Variants in GPATCH8 observed in about 807,000 individuals in gnomAD.
The protein encoded by GPATCH8 is G-patch domain containing 8.
GPATCH8 carries 18 observed loss-of-function variants against 118.3 expected under a neutral mutation model. The ratio of observed to expected loss-of-function variants is 0.15; its 90% CI spans 0.11 to 0.23. The LOEUF (loss-of-function observed/expected upper bound fraction) is 0.23, where lower values mean the gene tolerates loss of function less well. Ranked by LOEUF, GPATCH8 falls within the 10% of genes least tolerant of loss-of-function variation. The pLI, the probability that GPATCH8 is intolerant of heterozygous loss-of-function variation, is 1.00. For missense variants in GPATCH8, 1,631 were observed against 1,873.8 expected (o/e 0.87, Z 2.39); for synonymous variants, 659 against 684.7 (o/e 0.96, Z 0.59).
At chr17:44,471,696 A>C (rs1967290935) in intron 2 of GPATCH8, among the ~76,000 whole-genome samples, 1 of 152,158 alleles carries the variant, frequency 6.6e-6, no homozygotes, top group African/African-American at 2.4e-5. Context: ...AAAACAAAAC[A>C]GCTTAATATA....
intron 1 of GPATCH8, among the ~76,000 whole-genome samples, chr17:44,501,223 C>T (rs886671316): frequency 1.3e-5 from 2 of 152,054 alleles, no homozygotes; most frequent in East Asian, 3.9e-4. Flanking sequence ...TCGAGACCAG[C>T]CTGGCCAATA....
chr17:44,467,294 G>A, intron 2 of GPATCH8: 1 of 279,454 alleles, frequency 3.6e-6, no homozygotes, highest in South Asian at 3.2e-5. Flanking sequence ...AGCGTGTTGT[G>A]ACTGACAACA....
In GPATCH8 at chr17:44,434,940, T is replaced by C. The variant is rs557271222; in HGVS notation, c.348+125A>G. ...AATGTAATAGAAATCTGAGATCTAC[T>C]ACTAATTACCACCAAATGTCAAACA... On this transcript the variant is annotated intron_variant, in intron 5 of 7. Coordinates refer to ENST00000591680, the MANE Select transcript of GPATCH8 (RefSeq NM_001002909.4). The C allele has an allele frequency of 5.6e-6, 4 of 713,636 alleles. No homozygotes were observed. The South Asian group carries it at 6.0e-5, about 11-fold the overall frequency. The allele number at this position is 713,636 out of a possible 1,614,324, so 44.2% of individuals were successfully genotyped here. A position where few individuals can be genotyped will look rare whatever the true frequency, so the allele number is the denominator to read the frequency against.
In GPATCH8 at chr17:44,485,944, C is replaced by A. The variant is rs558341703; in HGVS notation, c.46-11041G>T. Among the ~76,000 whole-genome samples the A allele has an allele frequency of 1.6e-3, 243 of 152,230 alleles. 1 individual carries two copies. Among genetic ancestry groups the A allele is most frequent in the Non-Finnish European group, 1.9e-3 (131 of 68,004 alleles). On this transcript the variant is annotated intron_variant, in intron 1 of 7. Coordinates refer to ENST00000591680, the MANE Select transcript of GPATCH8 (RefSeq NM_001002909.4). The stretch of plus-strand genomic sequence containing the variant: ...AAAGGTCTCCCTGTCACCCAAGCTA[C>A]GGGGCAGTGGTGCAATCACAGCTCA...
intron 3 of GPATCH8, among the ~76,000 whole-genome samples, chr17:44,442,902 ACT>A (rs1197118438): frequency 2.6e-5 from 4 of 152,138 alleles, no homozygotes; most frequent in East Asian, 1.9e-4. Flanking sequence ...ATAGAGCAAG[ACT>A]CTGTCTCTCC....
At chr17:44,458,398 CTAACT>C (rs1403303534) in intron 3 of GPATCH8, among the ~76,000 whole-genome samples, 1 of 152,156 alleles carries the variant, frequency 6.6e-6, no homozygotes, top group Non-Finnish European at 1.5e-5. Flanking sequence ...TCTTACCAGG[CTAACT>C]TTGGTCTTTC....
At chr17:44,418,355 A>G (rs542540557) in intron 6 of GPATCH8, among the ~76,000 whole-genome samples, 2 of 152,372 alleles carry the variant, frequency 1.3e-5, no homozygotes, top group East Asian at 3.9e-4. Context: ...ATGCAAAATA[A>G]TTAAGGAGGC....
chr17:44,398,423 A>G lies in GPATCH8; in HGVS notation c.3654T>C (p.Asp1218=). 6.2e-7 allele frequency: 1 copy of G among 1,613,900 alleles called. No individual in the cohort carries two copies. The highest frequency in any genetic ancestry group is 8.5e-7 in the Non-Finnish European group (1 of 1,179,888). ...GGGTGCCTAGTGGAGCCACAGGGTG[A>G]TCAGCAGTAGCTTCTCCAGACTTTG... ...EESKSGEATA[D]HPVAPLGTPA... is the part of the protein sequence containing the mutation. Residue 1218 remains aspartate (D), a synonymous_variant, in exon 8 of 8, where the codon GAT becomes GAC. Transcript: ENST00000591680.
Position 44,399,357 on chromosome 17 carries a change from C to T in GPATCH8, c.2720G>A (p.Arg907His), listed in dbSNP as rs199629401. 81 of 1,614,108 alleles carry T rather than the reference C, an allele frequency of 5.0e-5. No individual in the cohort carries two copies. In the Admixed American group the frequency reaches 5.5e-4, roughly 11 times the overall value. ...YSDRSRRHSK[R>H]SHDSDDSDYA... is the part of the protein sequence containing the mutation. The stretch of plus-strand genomic sequence containing the variant: ...GTCTGAGTCATCTGAGTCATGGGAG[C>T]GCTTGGAGTGCCTTCGTGATCTGTC... The change falls in exon 8 of 8, where the codon CGC becomes CAC. Residue 907 changes from arginine (R) to histidine (H), a missense_variant. This residue lies in a region of GPATCH8 where 922 missense variants were observed against 879.7 expected (regional missense o/e 1.05). Transcript: ENST00000591680.
At chr17:44,431,741 G>A (rs565620226) in intron 5 of GPATCH8, among the ~76,000 whole-genome samples, 13 of 151,908 alleles carry the variant, frequency 8.6e-5, no homozygotes, top group African/African-American at 3.1e-4. Context: ...GACCAGCCTG[G>A]GCAACATAGT....
chr17:44,412,875 G>A (rs1370379081), intron 6 of GPATCH8, among the ~76,000 whole-genome samples: 1 of 151,626 alleles, frequency 6.6e-6, no homozygotes. Flanking sequence ...AAACATTAAT[G>A]TCTGTCTCCT....
At chr17:44,471,680 C>T (rs1379405714) in intron 2 of GPATCH8, among the ~76,000 whole-genome samples, 3 of 152,020 alleles carry the variant, frequency 2.0e-5, no homozygotes, top group Non-Finnish European at 4.4e-5. Context: ...ACACCATTTT[C>T]CCCTAAAAAC....
rs542343547 is a variant in GPATCH8, at chr17:44,398,059, C to A, written c.4018G>T (p.Val1340Leu). The A allele has an allele frequency of 2.4e-5, 38 of 1,614,050 alleles. No individual in the cohort carries two copies. In the East Asian group the frequency reaches 8.5e-4, roughly 36 times the overall value. Residue 1340 changes from valine (V) to leucine (L), a missense_variant, in exon 8 of 8, where the codon GTA (valine) becomes TTA (leucine). Val to Leu is a conservative substitution (Grantham distance 32, BLOSUM62 1). Transcript: ENST00000591680. ...GCAGCTGAGGCTGGAAAGGCCTTTA[C>A]TTGCTTGGCCAGAAGCTGCTGCTGG... is the stretch of plus-strand genomic sequence containing the variant. ...HIQQQLLAKQ[V>L]KAFPASAALA...
chr17:44,486,789 T>C (rs2144443183), intron 1 of GPATCH8: 1 of 152,336 alleles, frequency 6.6e-6, no homozygotes, highest in African/African-American at 2.4e-5. Flanking sequence ...TTTAGTAAAG[T>C]TTTAAATTAC....
chr17:44,491,968 G>A (rs1407014896), intron 1 of GPATCH8, among the ~76,000 whole-genome samples: 3 of 151,944 alleles, frequency 2.0e-5, no homozygotes, highest in African/African-American at 7.3e-5. Flanking sequence ...GACATCCTGG[G>A]GATTATTAGT....
At chr17:44,494,692 G>T (rs1046810063) in intron 1 of GPATCH8, among the ~76,000 whole-genome samples, 1 of 152,328 alleles carries the variant, frequency 6.6e-6, no homozygotes, top group East Asian at 1.9e-4. Flanking sequence ...GGTTAAGAGA[G>T]ACTGGTTATC....
intron 3 of GPATCH8, among the ~76,000 whole-genome samples, chr17:44,444,581 T>C (rs533345139): frequency 1.8e-4 from 28 of 152,198 alleles, no homozygotes; most frequent in Non-Finnish European, 3.7e-4. Flanking sequence ...GAGATCAGCC[T>C]GGCCAACATG....
At chr17:44,482,606 AGAT>A (rs1968356679) in intron 1 of GPATCH8, among the ~76,000 whole-genome samples, 1 of 151,552 alleles carries the variant, frequency 6.6e-6, no homozygotes, top group Non-Finnish European at 1.5e-5. Context: ...AACCAAACCT[AGAT>A]GACGGGTTCG....
intron 3 of GPATCH8, 21 bp downstream of exon 3, chr17:44,464,451 C>G (rs1412400868): frequency 7.3e-7 from 1 of 1,372,754 alleles, no homozygotes; most frequent in Non-Finnish European, 1.0e-6. Context: ...TCCTTTTTCT[C>G]TGGTAAATGT....
Sources: gnomAD v4.1 joint callset for allele counts (sites outside exome capture counted in the v4.1 genomes callset) on GRCh38, gnomAD v4.1.1 for gene constraint, gnomAD v4.1.1 regional missense constraint, MANE v1.5 for transcripts, NCBI Gene and HGNC (gene_info 2026-07-23, HGNC 2026-07-21) for gene names.